Variants in TENM3 observed in about 807,000 individuals in gnomAD.
The protein encoded by TENM3 is teneurin transmembrane protein 3, also known as teneurin-3.
A neutral mutation model predicts 255.1 loss-of-function variants in TENM3; 63 were observed. The ratio of observed to expected loss-of-function variants is 0.25; its 90% CI spans 0.20 to 0.30. The LOEUF (loss-of-function observed/expected upper bound fraction) is 0.30, where lower values mean the gene tolerates loss of function less well. TENM3 is among the 10% of genes least tolerant of loss of function. The pLI is 1.00. For missense variants in TENM3, 2,929 were observed against 3,461.1 expected (o/e 0.85, Z 3.86); for synonymous variants, 1,306 against 1,322.3 (o/e 0.99, Z 0.27).
At chr4:181,853,983 T>G in the TENM3 span, among the ~76,000 whole-genome samples, 1 of 152,228 alleles carries the variant, frequency 6.6e-6, no homozygotes, top group East Asian at 1.9e-4. Context: ...TTTTATTCAC[T>G]TGTAGCCATC....
chr4:181,685,917 T>G, the TENM3 span, among the ~76,000 whole-genome samples: 1 of 152,314 alleles, frequency 6.6e-6, no homozygotes, highest in African/African-American at 2.4e-5. Context: ...AATTGTAACT[T>G]TTCAAATATT....
At chr4:182,131,928 CT>C in the TENM3 span, among the ~76,000 whole-genome samples, 25,403 of 152,132 alleles carry the variant, frequency 0.17, 2,826 homozygotes, top group East Asian at 0.4. Context: ...GGATTACCAA[CT>C]TCTACAAGCT....
chr4:182,145,515 G>A (rs1303373293), intron 1 of TENM3, among the ~76,000 whole-genome samples: 1 of 152,140 alleles, frequency 6.6e-6, no homozygotes, highest in Non-Finnish European at 1.5e-5. Flanking sequence ...ATTGATCTTT[G>A]CTGAGCATCT....
the TENM3 span, among the ~76,000 whole-genome samples, chr4:181,572,820 A>G: frequency 1.3e-5 from 2 of 152,206 alleles, no homozygotes; most frequent in East Asian, 3.9e-4. Flanking sequence ...GTGCTATCAA[A>G]TGCTAGACCT....
At chr4:181,460,285 A>G in the TENM3 span, among the ~76,000 whole-genome samples, 5 of 151,984 alleles carry the variant, frequency 3.3e-5, no homozygotes, top group African/African-American at 9.7e-5. Flanking sequence ...CTAATTTCCA[A>G]ACGTGCTAGG....
At chr4:181,607,976 G>A in the TENM3 span, among the ~76,000 whole-genome samples, 1 of 152,170 alleles carries the variant, frequency 6.6e-6, no homozygotes, top group Non-Finnish European at 1.5e-5. Flanking sequence ...AGTCTACTTG[G>A]TACCTCTCAA....
At chr4:182,226,025 A>G (rs916203302) in intron 1 of TENM3, among the ~76,000 whole-genome samples, 9 of 152,208 alleles carry the variant, frequency 5.9e-5, no homozygotes, top group Admixed American at 6.5e-5. Flanking sequence ...GTATTTTATA[A>G]TATAGCTAGA....
chr4:182,370,111 A>G (rs1318347517), intron 3 of TENM3, among the ~76,000 whole-genome samples: 2 of 152,184 alleles, frequency 1.3e-5, no homozygotes, highest in Non-Finnish European at 2.9e-5. Flanking sequence ...CTAATTTTGC[A>G]AAGTTTTTTC....
At chr4:181,548,408 A>C in the TENM3 span, among the ~76,000 whole-genome samples, 10 of 152,216 alleles carry the variant, frequency 6.6e-5, no homozygotes, top group Admixed American at 6.5e-4. Context: ...CTTGGAACCA[A>C]CCCAAATGTC....
intron 12 of TENM3, among the ~76,000 whole-genome samples, chr4:182,690,388 A>T (rs1462406269): frequency 6.6e-6 from 1 of 152,222 alleles, no homozygotes. Context: ...TTTTGTGGCC[A>T]TACAAGGGAC....
intron 1 of TENM3, among the ~76,000 whole-genome samples, chr4:182,163,305 C>T (rs1033245812): frequency 2.6e-5 from 4 of 152,158 alleles, no homozygotes; most frequent in African/African-American, 9.7e-5. Context: ...AATCCTGAAC[C>T]GATCTTGTCA....
chr4:182,623,963 G>A (rs977069800), intron 4 of TENM3, among the ~76,000 whole-genome samples: 9 of 152,192 alleles, frequency 5.9e-5, no homozygotes, highest in South Asian at 2.1e-4. Context: ...TGACTGCATC[G>A]CCTGGATGCT....
the TENM3 span, among the ~76,000 whole-genome samples, chr4:182,101,852 T>G: frequency 2.0e-5 from 3 of 152,216 alleles, no homozygotes; most frequent in African/African-American, 7.2e-5. Flanking sequence ...CATTCCACAA[T>G]GTATTCATAT....
chr4:181,909,963 T>G, the TENM3 span, among the ~76,000 whole-genome samples: 1 of 152,242 alleles, frequency 6.6e-6, no homozygotes, highest in Non-Finnish European at 1.5e-5. Context: ...GGTTATATAT[T>G]AGTTTTTTAA....
At chr4:181,506,242 G>A in the TENM3 span, among the ~76,000 whole-genome samples, 2 of 151,990 alleles carry the variant, frequency 1.3e-5, no homozygotes, top group Non-Finnish European at 2.9e-5. Context: ...AGAAAGTTTA[G>A]GGACTTCTTG....
chr4:182,542,585 C>A (rs903154277), intron 3 of TENM3, among the ~76,000 whole-genome samples: 3 of 151,968 alleles, frequency 2.0e-5, no homozygotes, highest in Admixed American at 6.6e-5. Context: ...TCTTTGGGAG[C>A]CTTGCTTTAT....
the TENM3 span, among the ~76,000 whole-genome samples, chr4:181,738,255 G>A: frequency 6.6e-6 from 1 of 152,148 alleles, no homozygotes; most frequent in Non-Finnish European, 1.5e-5. Flanking sequence ...TAAATTTACA[G>A]TGTATACAGT....
At chr4:182,797,631 C>T (rs1441614992) in intron 27 of TENM3, among the ~76,000 whole-genome samples, 1 of 151,994 alleles carries the variant, frequency 6.6e-6, no homozygotes, top group Non-Finnish European at 1.5e-5. Flanking sequence ...GTCAAAGCTG[C>T]CGCTTCAGAA....
At chr4:182,447,769 G>T (rs1406187187) in intron 3 of TENM3, among the ~76,000 whole-genome samples, 1 of 152,210 alleles carries the variant, frequency 6.6e-6, no homozygotes, top group Non-Finnish European at 1.5e-5. Flanking sequence ...AAAATGAGAG[G>T]TTTGGAGGGA....
Sources: gnomAD v4.1 joint callset for allele counts (sites outside exome capture counted in the v4.1 genomes callset) on GRCh38, gnomAD v4.1.1 for gene constraint, MANE v1.5 for transcripts, NCBI Gene and HGNC (gene_info 2026-07-23, HGNC 2026-07-21) for gene names.